The following ADAMTS6 variants were observed in gnomAD, a reference collection of about 807,000 sequenced individuals.
The protein encoded by ADAMTS6 is ADAM metallopeptidase with thrombospondin type 1 motif 6.
A neutral mutation model predicts 144.3 loss-of-function variants in ADAMTS6; 23 were observed. That is an observed-to-expected ratio of 0.16 (90% CI 0.11 to 0.23). The LOEUF is 0.23. ADAMTS6 is among the 10% of genes least tolerant of loss of function. ADAMTS6 has a pLI of 1.00. For missense variants in ADAMTS6, 999 were observed against 1,379.6 expected, an observed-to-expected ratio of 0.72 and a Z score of 4.37; for synonymous variants, 444 against 457.5, an observed-to-expected ratio of 0.97 and a Z score of 0.38.
rs781180490 is a variant in ADAMTS6 at position 65,170,624 on chromosome 5, A to C, written c.3237T>G (p.Asn1079Lys). The stretch of plus-strand genomic sequence containing the variant: ...CCTCCATGGAAAACTCACCTTCAGT[A>C]TTAGAAATGGGGGTACTGTCACATT... ...ESKCDSTPIS[N>K]TEECKDVNKV... is the part of the protein sequence containing the mutation. Residue 1079 changes from asparagine (N) to lysine (K), a missense_variant, in exon 24 of 25, where the codon AAT becomes AAG. Asn to Lys is a moderately conservative substitution (Grantham distance 94, BLOSUM62 0). Around this residue, in one of 3 missense-constraint regions of ADAMTS6, gnomAD observed 619 missense variants for 837.0 expected, o/e 0.74. Coordinates refer to ENST00000381055, the MANE Select transcript of ADAMTS6 (RefSeq NM_197941.4). The C allele has an allele frequency of 7.4e-6, 12 of 1,614,018 alleles. No individual in the cohort carries two copies. The East Asian group carries it at 2.7e-4, about 36-fold the overall frequency.
intron 7 of ADAMTS6, among the ~76,000 whole-genome samples, chr5:65,387,286 A>G (rs1752554162): frequency 6.6e-6 from 1 of 152,236 alleles, no homozygotes; most frequent in South Asian, 2.1e-4. Context: ...CATTTAAAAC[A>G]TATTCAAAAT....
chr5:65,225,883 C>A (rs1476811544), intron 16 of ADAMTS6, among the ~76,000 whole-genome samples: 1 of 151,970 alleles, frequency 6.6e-6, no homozygotes, highest in Non-Finnish European at 1.5e-5. Context: ...ACTAGAATAC[C>A]AGAATAAAGT....
In ADAMTS6 at chr5:65,169,961, C is replaced by T. The variant is rs555268734; in HGVS notation, c.3244+656G>A. Among the ~76,000 whole-genome samples the T allele has an allele frequency of 2.8e-3, 428 of 151,426 alleles. 4 individuals carry two copies. The highest frequency in any genetic ancestry group is 9.7e-3 in the African/African-American group (399 of 41,210). The stretch of plus-strand genomic sequence containing the variant: ...AGATGATGAGTTAGTGGGTGCAGCG[C>T]ACCAGCATGGCACATGTATACATAT... On this transcript the variant is annotated intron_variant, in intron 24 of 24. Transcript: ENST00000381055.
intron 1 of ADAMTS6, among the ~76,000 whole-genome samples, chr5:65,475,934 A>T (rs1263788260): frequency 6.6e-6 from 1 of 151,082 alleles, no homozygotes; most frequent in Non-Finnish European, 1.5e-5. Context: ...GAGCCCAATA[A>T]TCTGGCTTCC....
chr5:65,288,780 C>T (rs1274925903), intron 11 of ADAMTS6, among the ~76,000 whole-genome samples: 1 of 152,222 alleles, frequency 6.6e-6, no homozygotes, highest in Non-Finnish European at 1.5e-5. Flanking sequence ...TTTCAGCATG[C>T]TACACTTAGA....
chr5:65,362,042 G>C (rs1448192576), intron 7 of ADAMTS6, among the ~76,000 whole-genome samples: 1 of 152,190 alleles, frequency 6.6e-6, no homozygotes, highest in Non-Finnish European at 1.5e-5. Flanking sequence ...GCCTACCATG[G>C]TAATTTTTAA....
intron 7 of ADAMTS6, among the ~76,000 whole-genome samples, chr5:65,449,576 A>G (rs111517543): frequency 3.0e-4 from 46 of 152,098 alleles, no homozygotes; most frequent in African/African-American, 1.1e-3. Flanking sequence ...AGCCGAGATC[A>G]CGCCACTGCA....
intron 7 of ADAMTS6, among the ~76,000 whole-genome samples, chr5:65,373,239 G>C (rs938305902): frequency 2.5e-4 from 37 of 150,654 alleles, no homozygotes; most frequent in South Asian, 4.2e-4. Flanking sequence ...CTAGCAGAAG[G>C]CAAGAAATAA....
intron 18 of ADAMTS6, 122 bp downstream of exon 18, chr5:65,224,198 T>C: frequency 1.3e-6 from 1 of 767,068 alleles, no homozygotes; most frequent in Non-Finnish European, 2.2e-6. Context: ...ACTTAGAGCT[T>C]ACTTCATTTT....
chr5:65,235,939 A>G (rs1351444123), intron 15 of ADAMTS6, among the ~76,000 whole-genome samples: 1 of 152,216 alleles, frequency 6.6e-6, no homozygotes, highest in Non-Finnish European at 1.5e-5. Flanking sequence ...CTTTGCATGA[A>G]ATTATGTAGA....
At position 65,451,297 on chromosome 5, in the gene ADAMTS6, G is replaced by T; in HGVS notation, c.1073+178C>A. ...TTAATATTTTCTTTTTTCTTATTTG[G>T]TTCATTTGATGCAAACACAATAATA... On this transcript the variant is annotated intron_variant, in intron 7 of 24. Coordinates refer to ENST00000381055, the MANE Select transcript of ADAMTS6 (RefSeq NM_197941.4). 1.4e-5 allele frequency: 8 copies of T among 558,678 alleles called. No homozygotes were observed. The South Asian group carries it at 1.8e-4, about 12-fold the overall frequency. The allele number at this position is 558,678 out of a possible 1,614,324, so 34.6% of individuals were successfully genotyped here. A position where few individuals can be genotyped will look rare whatever the true frequency, so the allele number is the denominator to read the frequency against.
chr5:65,266,855 G>A (rs985604570), intron 12 of ADAMTS6, among the ~76,000 whole-genome samples: 9 of 151,806 alleles, frequency 5.9e-5, no homozygotes, highest in African/African-American at 1.7e-4. Flanking sequence ...TTCTCCTTTG[G>A]TAGTAGTAAA....
rs777578711 is a variant in ADAMTS6 at position 65,188,088 on chromosome 5, G to T, written c.2838C>A (p.His946Gln). 6.2e-7 allele frequency: 1 copy of T among 1,614,110 alleles called. No homozygotes were observed. Among genetic ancestry groups the T allele is most frequent in the South Asian group, 1.1e-5 (1 of 91,076 alleles). Residue 946 changes from histidine (H) to glutamine (Q), a missense_variant, in exon 22 of 25, where the codon CAC becomes CAA. Around this residue, in one of 3 missense-constraint regions of ADAMTS6, gnomAD observed 619 missense variants for 837.0 expected, o/e 0.74. Coordinates refer to ENST00000381055, the MANE Select transcript of ADAMTS6 (RefSeq NM_197941.4). ...ETLDYSGCLT[H>Q]RPVEKEPCNN... ...TGCAGGGCTCTTTTTCGACAGGCCG[G>T]TGTGTTAAACAACCACTGTAGTCCA...
intron 9 of ADAMTS6, among the ~76,000 whole-genome samples, chr5:65,309,591 TACAC>T (rs149843490): frequency 1.2e-4 from 18 of 147,282 alleles, no homozygotes; most frequent in East Asian, 8.0e-4. Context: ...CCTGTTATAA[TACAC>T]ACACACACAC....
chr5:65,225,487 T>G (rs1757660894), intron 16 of ADAMTS6, among the ~76,000 whole-genome samples: 1 of 152,224 alleles, frequency 6.6e-6, no homozygotes, highest in East Asian at 1.9e-4. Context: ...AAATAGTGGT[T>G]TTTGTGGCTT....
intron 20 of ADAMTS6, among the ~76,000 whole-genome samples, chr5:65,207,652 A>G (rs1249251568): frequency 2.0e-5 from 3 of 152,062 alleles, no homozygotes; most frequent in Non-Finnish European, 4.4e-5. Flanking sequence ...TGCATTCTGC[A>G]AAGATTCATT....
chr5:65,228,848 G>T (rs1326778510), intron 15 of ADAMTS6, among the ~76,000 whole-genome samples: 1 of 152,218 alleles, frequency 6.6e-6, no homozygotes, highest in Non-Finnish European at 1.5e-5. Flanking sequence ...CAGCATGGCT[G>T]AGTGGTTGGA....
intron 7 of ADAMTS6, among the ~76,000 whole-genome samples, chr5:65,373,976 T>A (rs1751247272): frequency 1.3e-5 from 2 of 152,190 alleles, no homozygotes; most frequent in Non-Finnish European, 2.9e-5. Flanking sequence ...GTACATGTAA[T>A]CCAGCATATA....
chr5:65,255,268 A>T (rs983675671), intron 14 of ADAMTS6, among the ~76,000 whole-genome samples: 4 of 151,682 alleles, frequency 2.6e-5, no homozygotes, highest in African/African-American at 9.7e-5. Context: ...ATTTTTTTTT[A>T]ATTTTAATTT....
Sources: allele counts gnomAD v4.1 joint callset (sites outside exome capture counted in the v4.1 genomes callset), GRCh38; gene constraint gnomAD v4.1.1; regional missense constraint gnomAD v4.1.1; transcripts MANE v1.5; gene names NCBI Gene and HGNC (gene_info 2026-07-23, HGNC 2026-07-21).